Variants in ZNF177 observed in about 807,000 individuals in gnomAD.
ZNF177 encodes the protein zinc finger protein 177.
In ZNF177, 17 loss-of-function variants were observed where a neutral mutation model predicts 19.4. The observed-to-expected ratio is 0.87, with a 90% CI of 0.60 to 1.31. The LOEUF (loss-of-function observed/expected upper bound fraction) is 1.31, where lower values mean the gene tolerates loss of function less well. ZNF177 is among the 40% of genes most tolerant of loss of function. ZNF177 has a pLI of 0.00. For synonymous variants in ZNF177, 220 were observed against 188.7 expected, an observed-to-expected ratio of 1.17 and a Z score of -1.36; for missense variants, 633 against 561.8, an observed-to-expected ratio of 1.13 and a Z score of -1.28.
chr19:9,379,384 C>T (rs1489088410), intron 3 of ZNF177, 143 bp from the exon 6 acceptor site: 41 of 1,238,056 alleles, frequency 3.3e-5, no homozygotes, highest in South Asian at 2.5e-4. Context: ...AGAAAGAGCT[C>T]GGCTCTGATT....
At chr19:9,381,017 A>G in exon 6 of ZNF177, 1 of 1,588,420 alleles carries the variant, frequency 6.3e-7, no homozygotes, top group Non-Finnish European at 8.5e-7. Context: ...CCTACTGGAG[A>G]GAAAGGTGAT....
At chr19:9,375,249 T>C (rs563411769), upstream of ZNF177, among the ~76,000 whole-genome samples, 9 of 152,352 alleles carry the variant, frequency 5.9e-5, no homozygotes, top group East Asian at 1.5e-3. Context: ...TAGTATTTTA[T>C]TGAGGAGTTT....
chr19:9,379,771 C>T, intron 4 of ZNF177, 152 bp downstream of exon 6: 1 of 981,970 alleles, frequency 1.0e-6, no homozygotes, highest in Non-Finnish European at 1.4e-6. Flanking sequence ...TTCATTTGGT[C>T]TCCGAGAAAG....
chr19:9,372,540 CTTTTTTTTTTT>C (rs61321271), upstream of ZNF177, among the ~76,000 whole-genome samples: 13 of 84,576 alleles, frequency 1.5e-4, no homozygotes, highest in Non-Finnish European at 2.2e-4. Flanking sequence ...CTTTCTTTTC[CTTTTTTTTTTT>C]TTTTTTTTTT....
upstream of ZNF177, among the ~76,000 whole-genome samples, chr19:9,373,205 C>A (rs1440998784): frequency 6.6e-6 from 1 of 152,160 alleles, no homozygotes; most frequent in Non-Finnish European, 1.5e-5. Flanking sequence ...TTTGACTTTT[C>A]TAGATTCCAT....
chr19:9,369,199 C>T (rs1444996003), intron 2 of ZNF177, among the ~76,000 whole-genome samples: 1 of 152,076 alleles, frequency 6.6e-6, no homozygotes, highest in African/African-American at 2.4e-5. Context: ...TTCAAATCTT[C>T]ATATCCTTTT....
chr19:9,381,049 A>G, exon 6 of ZNF177: 11 of 1,604,858 alleles, frequency 6.9e-6, no homozygotes, highest in Non-Finnish European at 9.3e-6. Context: ...CTATGGCAAA[A>G]TATCTCCCCT....
At chr19:9,380,784 A>C (rs1403915938) in exon 6 of ZNF177, 2 of 1,536,128 alleles carry the variant, frequency 1.3e-6, no homozygotes, top group Admixed American at 3.9e-5. Flanking sequence ...ATAAATATAT[A>C]AAGTATAGCA....
At chr19:9,377,124 A>G (rs2068120332) in intron 1 of ZNF177, among the ~76,000 whole-genome samples, 1 of 152,172 alleles carries the variant, frequency 6.6e-6, no homozygotes, top group Non-Finnish European at 1.5e-5. Context: ...TGCTCTCATA[A>G]CATTTTAATA....
intron 3 of ZNF177, 74 bp from the exon 6 acceptor site, chr19:9,379,453 A>C (rs1269620807): frequency 2.0e-5 from 31 of 1,529,802 alleles, no homozygotes; most frequent in Non-Finnish European, 2.7e-5. Flanking sequence ...TTAAAGCCAA[A>C]GTATGGCAAT....
chr19:9,381,364 T>C (rs1192200943), exon 6 of ZNF177: 2 of 1,613,848 alleles, frequency 1.2e-6, no homozygotes, highest in Non-Finnish European at 1.7e-6. Flanking sequence ...CTGTAAGGAA[T>C]GTGGGAAGGC....
At chr19:9,368,056 C>G (rs182078462) in intron 2 of ZNF177, among the ~76,000 whole-genome samples, 1 of 152,326 alleles carries the variant, frequency 6.6e-6, no homozygotes, top group Non-Finnish European at 1.5e-5. Flanking sequence ...AGTGGCATAA[C>G]TGACTGATAA....
chr19:9,369,639 G>A (rs1315444470), intron 2 of ZNF177, among the ~76,000 whole-genome samples: 4 of 143,190 alleles, frequency 2.8e-5, no homozygotes, highest in African/African-American at 1.1e-4. Context: ...ATTTTACATT[G>A]TGCTTTTCAT....
intron 2 of ZNF177, among the ~76,000 whole-genome samples, chr19:9,370,802 C>T (rs937599614): frequency 6.6e-6 from 1 of 152,144 alleles, no homozygotes; most frequent in Non-Finnish European, 1.5e-5. Context: ...AAGCATTCAT[C>T]TTTTTTCCAC....
chr19:9,363,488 C>G (rs1260181804), intron 1 of ZNF177, among the ~76,000 whole-genome samples: 4 of 151,940 alleles, frequency 2.6e-5, no homozygotes, highest in African/African-American at 7.3e-5. Context: ...TTTTTTTCCC[C>G]TCTGTTATGT....
chr19:9,364,141 T>TC (rs1186761027), intron 1 of ZNF177, among the ~76,000 whole-genome samples: 2 of 152,216 alleles, frequency 1.3e-5, no homozygotes, highest in Admixed American at 6.5e-5. Context: ...CAGCAGTTAC[T>TC]CCCCCATGGT....
upstream of ZNF177, chr19:9,371,555 G>A (rs965362260): frequency 1.3e-5 from 2 of 151,998 alleles, no homozygotes; most frequent in African/African-American, 4.8e-5. Context: ...GCTTTCTTCT[G>A]ACGTCCATTG....
In ZNF177 at chr19:9,365,834, G is replaced by A. The variant is rs539178657; in HGVS notation, c.-305+886G>A. On this transcript the variant is annotated intron_variant, in intron 2 of 8. Coordinates refer to the ZNF177 transcript ENST00000343499. Reference sequence around the variant, plus strand: ...AAGAGGTTGAGGGATAGTAAGAGAGGTTGGAGAAGAGAGTAAAAAGAGGCC... The same window carrying A: ...AAGAGGTTGAGGGATAGTAAGAGAGATTGGAGAAGAGAGTAAAAAGAGGCC... Among the ~76,000 whole-genome samples the A allele has an allele frequency of 8.5e-5, 13 of 152,228 alleles. No homozygotes were observed. The South Asian group carries it at 2.5e-3, about 29-fold the overall frequency.
exon 6 of ZNF177, chr19:9,380,852 A>G: frequency 6.5e-7 from 1 of 1,536,126 alleles, no homozygotes; most frequent in Non-Finnish European, 8.7e-7. Context: ...ATTGGAGAGA[A>G]AACTCTTGAA....
Sources: allele counts gnomAD v4.1 joint callset (sites outside exome capture counted in the v4.1 genomes callset), GRCh38; gene constraint gnomAD v4.1.1; transcripts MANE v1.5; gene names NCBI Gene and HGNC (gene_info 2026-07-23, HGNC 2026-07-21).